Variants in RRM1 observed in about 807,000 individuals in gnomAD.
RRM1 encodes ribonucleoside-diphosphate reductase large subunit.
Under a neutral mutation model 101.5 loss-of-function variants are expected in RRM1, and 19 were observed. That is an observed-to-expected ratio of 0.19 (90% confidence interval 0.13 to 0.27). The LOEUF is 0.27. Among genes scored for constraint, RRM1 ranks in the 10% least tolerant of loss-of-function variants. The pLI is 1.00. For missense variants in RRM1, 500 were observed against 962.9 expected (o/e 0.52, Z 6.36); for synonymous variants, 298 against 323.4 (o/e 0.92, Z 0.84).
chr11:4,136,690 G>A (rs1196405690), intron 18 of RRM1, among the ~76,000 whole-genome samples: 1 of 151,964 alleles, frequency 6.6e-6, no homozygotes, highest in Admixed American at 6.5e-5. Context: ...CCCCTCTTGG[G>A]GGATTACAGG....
At chr11:4,096,258 C>T (rs2094543419) in intron 1 of RRM1, among the ~76,000 whole-genome samples, 1 of 152,160 alleles carries the variant, frequency 6.6e-6, no homozygotes, top group Admixed American at 6.5e-5. Flanking sequence ...GAATTCCTGG[C>T]CTCAAACCAT....
intron 1 of RRM1, among the ~76,000 whole-genome samples, chr11:4,099,651 A>G (rs1251545534): frequency 6.6e-6 from 1 of 152,090 alleles, no homozygotes; most frequent in African/African-American, 2.4e-5. Flanking sequence ...GGAACAGTTG[A>G]AGAGATCTGG....
intron 15 of RRM1, among the ~76,000 whole-genome samples, chr11:4,130,434 G>A (rs545124443): frequency 7.2e-5 from 11 of 151,974 alleles, no homozygotes; most frequent in African/African-American, 9.7e-5. Flanking sequence ...CATGACTCAC[G>A]TCTGTAATCC....
Position 4,132,420 on chromosome 11 carries a change from A to G in RRM1, c.1904A>G (p.Gln635Arg). 6.2e-7 allele frequency: 1 copy of G among 1,614,078 alleles called. No homozygotes were observed. Among genetic ancestry groups the G allele is most frequent in the Admixed American group, 1.7e-5 (1 of 60,028 alleles). The change falls in exon 16 of 19, where the codon CAG (glutamine) becomes CGG (arginine). Residue 635 changes from glutamine (Q) to arginine (R), a missense_variant and splice_region_variant. Gln to Arg is a conservative substitution (Grantham distance 43). This residue lies in a region of RRM1 where 79 missense variants were observed against 176.4 expected (regional missense o/e 0.45). Transcript: ENST00000300738. This position sits in a 1 kb window ranked among gnomAD's most constrained non-coding sequence, Gnocchi z 4.1. ...CGCAGAGTCTTGTCAGGAGAATTTC[A>G]GGTGAGCAGTTCACAACCAGCCTTA... ...YTRRVLSGEF[Q>R]IVNPHLLKDL...
chr11:4,126,611 A>G (rs1463652534), intron 12 of RRM1, 73 bp from the exon 13 acceptor site: 6 of 1,398,528 alleles, frequency 4.3e-6, no homozygotes, highest in East Asian at 2.3e-5. Context: ...TTAGAGGCTC[A>G]CATGGTGGTG....
chr11:4,122,196 A>C lies in RRM1; in HGVS notation c.1094A>C (p.Glu365Ala), dbSNP rs758762270. Residue 365 changes from glutamate to alanine, a missense_variant, in exon 11 of 19, where the codon GAG becomes GCG. Physicochemically the swap from Glu to Ala is moderately radical, Grantham distance 107. Coordinates refer to ENST00000300738, the MANE Select transcript of RRM1 (RefSeq NM_001033.5). ...ECPGLDEVWGEEFEKLYASYE... is the reference protein window; with the variant it reads ...ECPGLDEVWGAEFEKLYASYE... ...CCTGGTCTGGATGAGGTTTGGGGAG[A>C]GGAATTTGAGAAACTATATGCAAGG... 1 of 1,611,788 alleles carries C rather than the reference A, an allele frequency of 6.2e-7. No individual in the cohort carries two copies.
At chr11:4,135,321 G>A in intron 18 of RRM1, 51 bp downstream of exon 18, 1 of 1,386,908 alleles carries the variant, frequency 7.2e-7, no homozygotes, top group Non-Finnish European at 9.8e-7. Context: ...AGATATTTTG[G>A]CATTGGAATG....
chr11:4,104,766 G>A (rs2133289809), intron 2 of RRM1, among the ~76,000 whole-genome samples: 1 of 152,288 alleles, frequency 6.6e-6, no homozygotes, highest in Admixed American at 6.5e-5. Flanking sequence ...GGCGGAGGTT[G>A]CACTTTGTAA....
At chr11:4,101,557 A>ACGCCCCCCCCCCCCCCCC (rs200112921) in intron 1 of RRM1, among the ~76,000 whole-genome samples, 1 of 43,632 alleles carries the variant, frequency 2.3e-5, no homozygotes, top group Non-Finnish European at 5.4e-5. Flanking sequence ...CCAGTGATCC[A>ACGCCCCCCCCCCCCCCCC]CACCCCCCCC....
chr11:4,132,577 A>G lies in RRM1; in HGVS notation c.1905+156A>G, dbSNP rs2094602286. Among the ~76,000 whole-genome samples, 1 of 152,208 alleles carries G rather than the reference A, an allele frequency of 6.6e-6. No individual in the cohort carries two copies. Among genetic ancestry groups the G allele is most frequent in the Non-Finnish European group, 1.5e-5 (1 of 68,048 alleles). Reference sequence around the variant, plus strand: ...ATCTCTAATATTATTATTTGTTATTAATATTTCAGCACAATAGGCATTTAA... The same window carrying G: ...ATCTCTAATATTATTATTTGTTATTGATATTTCAGCACAATAGGCATTTAA... On this transcript the variant is annotated intron_variant, in intron 16 of 18. Coordinates refer to ENST00000300738, the MANE Select transcript of RRM1 (RefSeq NM_001033.5). The surrounding 1 kb of genome is among the most constrained non-coding windows in gnomAD (Gnocchi z 4.1).
chr11:4,115,564 C>G (rs2094571736), intron 7 of RRM1, among the ~76,000 whole-genome samples: 1 of 150,286 alleles, frequency 6.7e-6, no homozygotes, highest in Non-Finnish European at 1.5e-5. Context: ...CTCCACTTAC[C>G]TTTTTTTTTG....
At chr11:4,104,915 G>C (rs1346416466) in intron 2 of RRM1, among the ~76,000 whole-genome samples, 2 of 152,064 alleles carry the variant, frequency 1.3e-5, no homozygotes, top group Non-Finnish European at 2.9e-5. Context: ...GTGGAATTTG[G>C]GAAAAGTAAG....
intron 1 of RRM1, among the ~76,000 whole-genome samples, chr11:4,099,946 C>A (rs1565178119): frequency 6.6e-6 from 1 of 151,868 alleles, no homozygotes; most frequent in Non-Finnish European, 1.5e-5. Flanking sequence ...GTTGCTTTCC[C>A]CCCCCACTGC....
chr11:4,130,311 T>A (rs575376533), intron 15 of RRM1, among the ~76,000 whole-genome samples: 1 of 151,794 alleles, frequency 6.6e-6, no homozygotes, highest in South Asian at 2.1e-4. Flanking sequence ...GAGATAAGAC[T>A]TGTTAATGGT....
At chr11:4,122,255 TTAA>T in intron 11 of RRM1, 35 bp downstream of exon 11, 2 of 1,421,614 alleles carry the variant, frequency 1.4e-6, no homozygotes, top group African/African-American at 1.4e-5. Context: ...CAATAATGTT[TTAA>T]TCATGGTTTC....
chr11:4,108,958 C>T (rs534931333), intron 4 of RRM1, among the ~76,000 whole-genome samples: 3 of 152,174 alleles, frequency 2.0e-5, no homozygotes, highest in African/African-American at 7.2e-5. Flanking sequence ...AAACCTGGCT[C>T]CTTTTTTTTC....
At chr11:4,111,295 C>T (rs2094565167) in intron 5 of RRM1, among the ~76,000 whole-genome samples, 1 of 151,670 alleles carries the variant, frequency 6.6e-6, no homozygotes, top group African/African-American at 2.4e-5. Context: ...CCTGTAGTCC[C>T]AGCTACTCGG....
intron 7 of RRM1, among the ~76,000 whole-genome samples, chr11:4,115,901 C>T (rs1265494228): frequency 6.6e-6 from 1 of 152,072 alleles, no homozygotes; most frequent in East Asian, 1.9e-4. Context: ...AATATGACCT[C>T]AGAGCAAAAC....
chr11:4,129,290 C>A, intron 15 of RRM1, 140 bp downstream of exon 15: 1 of 520,900 alleles, frequency 1.9e-6, no homozygotes, highest in Non-Finnish European at 3.4e-6. Context: ...TCTCACAAAA[C>A]TATTTTGGGA....
Sources: allele counts gnomAD v4.1 joint callset (sites outside exome capture counted in the v4.1 genomes callset), GRCh38; gene constraint gnomAD v4.1.1; regional missense constraint gnomAD v4.1.1; non-coding constraint Gnocchi (gnomAD v3.1); transcripts MANE v1.5; gene names NCBI Gene and HGNC (gene_info 2026-07-23, HGNC 2026-07-21).